Variants in COG7 observed in about 807,000 individuals in gnomAD.
COG7 encodes the protein conserved oligomeric Golgi complex subunit 7.
COG7 carries 49 observed loss-of-function variants against 91.5 expected under a neutral mutation model. The observed-to-expected ratio is 0.54, with a 90% CI of 0.43 to 0.68. The LOEUF (loss-of-function observed/expected upper bound fraction) is 0.68, where lower values mean the gene tolerates loss of function less well. COG7 is among the 30% of genes least tolerant of loss of function. The pLI is 0.00. For synonymous variants in COG7, 365 were observed against 388.7 expected (o/e 0.94, Z 0.72); for missense variants, 895 against 961.3 (o/e 0.93, Z 0.91).
chr16:23,451,338 C>CTGTGAATCA lies in COG7; in HGVS notation c.169+1487_169+1488insTGATTCACA, dbSNP rs534786824. ...TGAATCAACACACAGTGAATCAACA[C>CTGTGAATCA]ACGGTGAATAAAAGTCAAGTTGAGG... On this transcript the variant is annotated intron_variant, in intron 1 of 16. Coordinates refer to ENST00000307149, the MANE Select transcript of COG7 (RefSeq NM_153603.4). Among the ~76,000 whole-genome samples, 844 of 152,322 alleles carry CTGTGAATCA rather than the reference C, an allele frequency of 5.5e-3. 4 individuals carry two copies. Among genetic ancestry groups the CTGTGAATCA allele is most frequent in the African/African-American group, 0.019 (782 of 41,572 alleles).
intron 6 of COG7, among the ~76,000 whole-genome samples, chr16:23,430,287 G>C (rs1963913325): frequency 6.6e-6 from 1 of 152,012 alleles, no homozygotes; most frequent in African/African-American, 2.4e-5. Context: ...AAATTAGTTG[G>C]GTGTGGTGGC....
At position 23,398,049 on chromosome 16, in the gene COG7, G is replaced by C; in HGVS notation, c.1884C>G (p.Ser628Arg). 1 of 1,613,664 alleles carries C rather than the reference G, an allele frequency of 6.2e-7. No homozygotes were observed. Among genetic ancestry groups the C allele is most frequent in the Non-Finnish European group, 8.5e-7 (1 of 1,179,564 alleles). The change falls in exon 14 of 17, where the codon AGC becomes AGG. Residue 628 changes from serine to arginine, a missense_variant. Transcript: ENST00000307149. ...AGAAGCACACAGAAGCTCTTACGTT[G>C]CTGATGTACTCGAGAGGGGTGAGAC... ...AFSLTPLEYISNIGQYIMSLP... is the reference protein window; with the variant it reads ...AFSLTPLEYIRNIGQYIMSLP...
chr16:23,424,135 T>G (rs966788734), intron 7 of COG7, among the ~76,000 whole-genome samples: 14 of 151,968 alleles, frequency 9.2e-5, no homozygotes, highest in South Asian at 4.2e-4. Context: ...CAATCTCTAC[T>G]AAAAATACAA....
chr16:23,413,682 G>A, intron 9 of COG7, 118 bp from the exon 10 acceptor site: 1 of 745,106 alleles, frequency 1.3e-6, no homozygotes, highest in South Asian at 1.4e-5. Context: ...ATCTTTAGAG[G>A]CTCCCACCGA....
chr16:23,392,208 G>A (rs773590219), intron 16 of COG7, 172 bp downstream of exon 16: 293 of 1,501,918 alleles, frequency 2.0e-4, no homozygotes, highest in Non-Finnish European at 2.4e-4. Context: ...TGCTAAGTCA[G>A]AATCTCTGGG....
chr16:23,448,625 T>C lies in COG7; in HGVS notation c.170-2664A>G, dbSNP rs560782736. Among the ~76,000 whole-genome samples the C allele has an allele frequency of 1.6e-3, 246 of 152,260 alleles. 2 individuals carry two copies. The highest frequency in any genetic ancestry group is 9.1e-3 in the South Asian group (44 of 4,826). ...TATTGATATTATTCATGCAGCTCTG[T>C]TTGAACTTCTCACCTTTCCCTGGAC... On this transcript the variant is annotated intron_variant, in intron 1 of 16. Coordinates refer to ENST00000307149, the MANE Select transcript of COG7 (RefSeq NM_153603.4).
chr16:23,452,661 T>G, intron 1 of COG7, 165 bp downstream of exon 1: 361 of 1,403,970 alleles, frequency 2.6e-4, no homozygotes, highest in Middle Eastern at 5.2e-4. Flanking sequence ...GGCACCCAGC[T>G]GAGACTCCCG....
intron 7 of COG7, among the ~76,000 whole-genome samples, chr16:23,423,356 C>T (rs1212548507): frequency 6.6e-6 from 1 of 152,170 alleles, no homozygotes; most frequent in Non-Finnish European, 1.5e-5. Flanking sequence ...GAGAGTGAGA[C>T]TCGTCCCATG....
rs373095194 is a variant in COG7 at position 23,434,620 on chromosome 16, G to A, written c.687+16C>T. 156 of 1,596,612 alleles carry A rather than the reference G, an allele frequency of 9.8e-5. 1 individual carries two copies. The highest frequency in any genetic ancestry group is 6.6e-4 in the Middle Eastern group (4 of 6,050). ...ATTCCACAACTGCACAACTGTCATC[G>A]CGCACAGCTTCTTACCTTGTGACAC... On this transcript the variant is annotated intron_variant, in intron 5 of 16. Coordinates refer to ENST00000307149, the MANE Select transcript of COG7 (RefSeq NM_153603.4).
At chr16:23,450,982 T>C (rs113882400) in intron 1 of COG7, among the ~76,000 whole-genome samples, 11 of 152,112 alleles carry the variant, frequency 7.2e-5, no homozygotes, top group African/African-American at 2.7e-4. Context: ...TCACCTGAGG[T>C]CAGGAGTTCA....
At chr16:23,392,020 A>C (rs1752432538) in intron 16 of COG7, 4 of 1,205,352 alleles carry the variant, frequency 3.3e-6, no homozygotes, top group Non-Finnish European at 4.2e-6. Flanking sequence ...GTCCAGCGCC[A>C]GGCATGCCTG....
intron 11 of COG7, among the ~76,000 whole-genome samples, chr16:23,409,096 T>C (rs1371396346): frequency 2.5e-5 from 2 of 78,810 alleles, no homozygotes; most frequent in East Asian, 4.5e-4. Context: ...TGTGCGTGCA[T>C]GTGTGTGTGT....
At chr16:23,409,682 G>A (rs1963531285) in intron 11 of COG7, among the ~76,000 whole-genome samples, 1 of 152,152 alleles carries the variant, frequency 6.6e-6, no homozygotes, top group South Asian at 2.1e-4. Flanking sequence ...AGAAAGAAAT[G>A]TGGGAAGCCA....
At chr16:23,442,783 C>T (rs568154921) in intron 3 of COG7, 138 bp from the exon 4 acceptor site, 43 of 791,948 alleles carry the variant, frequency 5.4e-5, no homozygotes, top group African/African-American at 4.6e-4. Flanking sequence ...TGCCTGTAAT[C>T]CCAGCACTTT....
intron 7 of COG7, among the ~76,000 whole-genome samples, chr16:23,420,884 C>T (rs922918956): frequency 1.3e-5 from 2 of 150,626 alleles, no homozygotes; most frequent in African/African-American, 4.9e-5. Flanking sequence ...GCTAGTACTA[C>T]AGGTGTATGC....
chr16:23,406,121 G>T lies in COG7; in HGVS notation c.1617C>A (p.Asn539Lys). Residue 539 changes from asparagine to lysine, a missense_variant, in exon 12 of 17, where the codon AAC becomes AAA. Asn to Lys is a moderately conservative substitution (Grantham distance 94). Transcript: ENST00000307149. Reference sequence around the variant, plus strand: ...CCATTAAACTGGCATATTCAGCAGGGTTATCTTTCTGGAGGTAATTATATT... The same window carrying T: ...CCATTAAACTGGCATATTCAGCAGGTTTATCTTTCTGGAGGTAATTATATT... ...WQEYNYLQKD[N>K]PAEYASLMEI... is the part of the protein sequence containing the mutation. The T allele has an allele frequency of 1.2e-6, 2 of 1,614,104 alleles. No individual in the cohort carries two copies. The highest frequency in any genetic ancestry group is 1.1e-5 in the South Asian group (1 of 91,078).
chr16:23,392,612 G>A, intron 15 of COG7, 89 bp from the exon 16 acceptor site: 1 of 1,510,622 alleles, frequency 6.6e-7, no homozygotes, highest in Non-Finnish European at 9.2e-7. Flanking sequence ...TGATCTCAAT[G>A]GCAAACACAG....
rs187144087 is a variant in COG7, at chr16:23,425,318, A to T, written c.811-371T>A. On this transcript the variant is annotated intron_variant, in intron 6 of 16. Transcript: ENST00000307149. Reference sequence around the variant, plus strand: ...GAGCGAGACTCTGTCTCAAAAAAATAAAAATTAAAATTAAAAATTAAAAAC... The same window carrying T: ...GAGCGAGACTCTGTCTCAAAAAAATTAAAATTAAAATTAAAAATTAAAAAC... Among the ~76,000 whole-genome samples, 588 of 152,166 alleles carry T rather than the reference A, an allele frequency of 3.9e-3. 4 individuals carry two copies. Among genetic ancestry groups the T allele is most frequent in the African/African-American group, 0.014 (564 of 41,538 alleles).
Position 23,388,544 on chromosome 16 carries a change from AAAATT to A in COG7, c.*371_*375del. 5.4e-6 allele frequency: 1 copy of A among 186,336 alleles called. No homozygotes were observed. Among genetic ancestry groups the A allele is most frequent in the South Asian group, 1.0e-4 (1 of 10,028 alleles). 11.5% of individuals were successfully genotyped at this position (186,336 alleles called of 1,614,324 possible). On this transcript the variant is annotated 3_prime_UTR_variant, in exon 17 of 17. Coordinates refer to ENST00000307149, the MANE Select transcript of COG7 (RefSeq NM_153603.4). ...CATTTTCAAGATCTGATCCTTTAAA[AAAATT>A]ATCTAAAAAGTCTTCTCTGATAAAT... is the stretch of plus-strand genomic sequence containing the variant.
Sources: gnomAD v4.1 joint callset for allele counts (sites outside exome capture counted in the v4.1 genomes callset) on GRCh38, gnomAD v4.1.1 for gene constraint, MANE v1.5 for transcripts, NCBI Gene and HGNC (gene_info 2026-07-23, HGNC 2026-07-21) for gene names.